The following CROCC2 variants were observed in gnomAD, a reference collection of about 807,000 sequenced individuals.
The protein encoded by CROCC2 is ciliary rootlet coiled-coil, rootletin family member 2.
Under a neutral mutation model 177.6 loss-of-function variants are expected in CROCC2, and 163 were observed. That is an observed-to-expected ratio of 0.92 (90% CI 0.81 to 1.05). The LOEUF (loss-of-function observed/expected upper bound fraction) is 1.05. CROCC2 is among the 50% of genes least tolerant of loss of function. The pLI is 0.00. For missense variants in CROCC2, 1,929 were observed against 1,797.8 expected, an observed-to-expected ratio of 1.07 and a Z score of -1.32; for synonymous variants, 904 against 787.3, an observed-to-expected ratio of 1.15 and a Z score of -2.48.
intron 15 of CROCC2, 67 bp downstream of exon 15, chr2:240,946,320 G>A: frequency 7.0e-7 from 1 of 1,418,842 alleles, no homozygotes; most frequent in East Asian, 2.5e-5. Context: ...CTGCAGTGTG[G>A]CAGGGTATGG....
intron 27 of CROCC2, among the ~76,000 whole-genome samples, chr2:240,976,107 C>G (rs1395788311): frequency 6.6e-6 from 1 of 152,260 alleles, no homozygotes; most frequent in Non-Finnish European, 1.5e-5. Flanking sequence ...ACTGACACTG[C>G]AGCCCCACAT....
chr2:240,926,641 C>T (rs1559592770), intron 5 of CROCC2, among the ~76,000 whole-genome samples: 2 of 152,240 alleles, frequency 1.3e-5, no homozygotes, highest in East Asian at 1.9e-4. Context: ...GAGGGGCAGC[C>T]GCGTTTCTGG....
At chr2:240,943,554 C>G (rs765067018) in intron 14 of CROCC2, among the ~76,000 whole-genome samples, 3 of 148,672 alleles carry the variant, frequency 2.0e-5, no homozygotes, top group Non-Finnish European at 4.4e-5. Flanking sequence ...ATGGGGTGAT[C>G]TCGGCTCACT....
intron 1 of CROCC2, among the ~76,000 whole-genome samples, chr2:240,916,193 G>A (rs1574744064): frequency 6.6e-6 from 1 of 151,950 alleles, no homozygotes; most frequent in African/African-American, 2.4e-5. Flanking sequence ...TAGGCTGGCG[G>A]CACAGGCCTC....
intron 28 of CROCC2, among the ~76,000 whole-genome samples, chr2:240,987,512 C>T (rs1372784821): frequency 1.3e-5 from 2 of 152,156 alleles, no homozygotes; most frequent in South Asian, 4.1e-4. Flanking sequence ...AGAAAGGAAC[C>T]CTTATTTTTT....
At chr2:240,984,430 C>T (rs145548399) in intron 28 of CROCC2, among the ~76,000 whole-genome samples, 157 of 152,042 alleles carry the variant, frequency 1.0e-3, no homozygotes, top group Admixed American at 2.6e-3. Flanking sequence ...GGAGCCTGCA[C>T]CCCAGCCGTC....
intron 27 of CROCC2, among the ~76,000 whole-genome samples, chr2:240,974,665 C>T (rs111678561): frequency 2.6e-5 from 4 of 151,782 alleles, no homozygotes; most frequent in Non-Finnish European, 4.4e-5. Context: ...CCACCACACC[C>T]AGCCAACACC....
intron 28 of CROCC2, chr2:240,985,885 T>G: frequency 2.2e-6 from 1 of 451,450 alleles, no homozygotes; most frequent in South Asian, 1.6e-5. Context: ...TCTGGGTGCA[T>G]GCAGGGCCCC....
intron 18 of CROCC2, among the ~76,000 whole-genome samples, chr2:240,951,915 G>A (rs960813402): frequency 6.6e-6 from 1 of 152,194 alleles, no homozygotes; most frequent in African/African-American, 2.4e-5. Context: ...TCAGCCACTA[G>A]CCCTATAAAA....
In CROCC2 at chr2:240,982,500, G is replaced by T; in HGVS notation, c.4402-380G>T. The T allele has an allele frequency of 5.9e-6, 1 of 169,182 alleles. No homozygotes were observed. The highest frequency in any genetic ancestry group is 1.3e-5 in the Non-Finnish European group (1 of 79,796). 10.5% of individuals were successfully genotyped at this position (169,182 alleles called of 1,614,324 possible). ...GCCGAACAGGCTCCAGGAGCCTTGG[G>T]GAGGGTCACCTCAGGCTTTATCCCA... On this transcript the variant is annotated intron_variant, in intron 27 of 31. Transcript: ENST00000690015. This position sits in a 1 kb window ranked among gnomAD's most constrained non-coding sequence, Gnocchi z 4.7.
Position 240,932,301 on chromosome 2 carries a change from C to T in CROCC2, c.948-17C>T. 1.4e-6 allele frequency: 1 copy of T among 709,674 alleles called. No homozygotes were observed. The allele number at this position is 709,674 out of a possible 1,614,324, so 44.0% of individuals were successfully genotyped here. On this transcript the variant is annotated splice_polypyrimidine_tract_variant and intron_variant, in intron 7 of 31. Transcript: ENST00000690015. ...TGGGCCCTGCCCTTCACCCCCACAC[C>T]CCCCGACTCCTCCCAGACTCTCGGA...
rs1209294892 is a variant in CROCC2 at position 240,964,629 on chromosome 2, G to A, written c.3465+4G>A. 3 of 1,547,982 alleles carry A rather than the reference G, an allele frequency of 1.9e-6. No homozygotes were observed. Among genetic ancestry groups the A allele is most frequent in the Non-Finnish European group, 2.6e-6 (3 of 1,145,856 alleles). On this transcript the variant is annotated splice_donor_region_variant and intron_variant, in intron 22 of 31. Transcript: ENST00000690015. ...GCTCCGGGAACTCCACAGACAGGTA[G>A]GGCGGCAGGGAGGGGTCAACATCCA...
intron 5 of CROCC2, among the ~76,000 whole-genome samples, chr2:240,926,328 G>A (rs188592846): frequency 1.2e-3 from 179 of 152,306 alleles, no homozygotes; most frequent in Middle Eastern, 3.4e-3. Context: ...GAGACCCTGA[G>A]GCATGCAGGG....
chr2:240,938,847 A>C (rs1442193815), intron 14 of CROCC2, among the ~76,000 whole-genome samples: 1 of 151,996 alleles, frequency 6.6e-6, no homozygotes, highest in Non-Finnish European at 1.5e-5. Context: ...TCATTTTCTT[A>C]TTGTTCATTA....
rs2059804722 is a variant in CROCC2, at chr2:240,982,080, G to C, written c.4402-800G>C. 1 of 152,152 alleles carries C rather than the reference G, an allele frequency of 6.6e-6. No homozygotes were observed. The highest frequency in any genetic ancestry group is 1.5e-5 in the Non-Finnish European group (1 of 68,138). The allele number at this position is 152,152 out of a possible 1,614,324, so 9.4% of individuals were successfully genotyped here. ...CGCCAGCGGGGAGGCTGTGCACAGA[G>C]GGCAGCAGGTGCACGTGATCGAAGG... On this transcript the variant is annotated intron_variant, in intron 27 of 31. Coordinates refer to ENST00000690015, the MANE Select transcript of CROCC2 (RefSeq NM_001351305.2). The surrounding 1 kb of genome is among the most constrained non-coding windows in gnomAD (Gnocchi z 4.7).
chr2:240,919,291 G>A (rs2059342817), intron 2 of CROCC2, among the ~76,000 whole-genome samples: 1 of 152,182 alleles, frequency 6.6e-6, no homozygotes, highest in African/African-American at 2.4e-5. Flanking sequence ...GGCTGCCGCT[G>A]TGTGGCACAC....
intron 5 of CROCC2, among the ~76,000 whole-genome samples, chr2:240,929,323 T>C (rs1559593625): frequency 6.6e-6 from 1 of 151,748 alleles, no homozygotes; most frequent in Non-Finnish European, 1.5e-5. Context: ...GGAGCAGGGG[T>C]GGGGCTGTCA....
chr2:240,975,261 G>A (rs1030140533), intron 27 of CROCC2, among the ~76,000 whole-genome samples: 8 of 152,206 alleles, frequency 5.3e-5, no homozygotes, highest in African/African-American at 1.9e-4. Flanking sequence ...GAGTCCAGAG[G>A]AGGCCCTGCC....
Position 240,968,155 on chromosome 2 carries a change from A to G in CROCC2, c.4294A>G (p.Ser1432Gly). 1 of 1,516,628 alleles carries G rather than the reference A, an allele frequency of 6.6e-7. No individual in the cohort carries two copies. The highest frequency in any genetic ancestry group is 8.8e-7 in the Non-Finnish European group (1 of 1,136,022). The allele number at this position is 1,516,628 out of a possible 1,614,324, so 93.9% of individuals were successfully genotyped here. A position where few individuals can be genotyped will look rare whatever the true frequency, so the allele number is the denominator to read the frequency against. Residue 1432 changes from serine (S) to glycine (G), a missense_variant, in exon 27 of 32, where the codon AGC becomes GGC. Transcript: ENST00000690015. ...EGQRRVEGALSSARAARALQK... is the reference protein window; with the variant it reads ...EGQRRVEGALGSARAARALQK... ...CCAGCGCCGGGTGGAGGGCGCGCTG[A>G]GCAGCGCCCGGGCAGCACGTGCCCT...
Sources: gnomAD v4.1 joint callset for allele counts (sites outside exome capture counted in the v4.1 genomes callset) on GRCh38, gnomAD v4.1.1 for gene constraint, Gnocchi (gnomAD v3.1) non-coding constraint, MANE v1.5 for transcripts, NCBI Gene and HGNC (gene_info 2026-07-23, HGNC 2026-07-21) for gene names.